Variants in EYS observed in about 807,000 individuals in gnomAD.
The protein encoded by EYS is EGF-like photoreceptor maintenance factor, also known as protein eyes shut homolog.
In EYS, 250 loss-of-function variants were observed where a neutral mutation model predicts 282.1. The observed-to-expected ratio is 0.89, with a 90% CI of 0.80 to 0.98. The LOEUF (loss-of-function observed/expected upper bound fraction) is 0.98. Ranked by LOEUF, EYS falls within the 50% of genes least tolerant of loss-of-function variation. The pLI, the probability that EYS is intolerant of heterozygous loss-of-function variation, is 0.00. For missense variants in EYS, 4,016 were observed against 3,709.0 expected (o/e 1.08, Z -2.15); for synonymous variants, 1,355 against 1,282.9 (o/e 1.06, Z -1.20).
intron 19 of EYS, among the ~76,000 whole-genome samples, chr6:64,864,078 T>C (rs572663781): frequency 6.6e-6 from 1 of 152,274 alleles, no homozygotes; most frequent in South Asian, 2.1e-4. Flanking sequence ...TTGAAAAGCC[T>C]TTAAAATATA....
intron 33 of EYS, among the ~76,000 whole-genome samples, chr6:64,040,194 A>C (rs2149836596): frequency 6.6e-6 from 1 of 152,322 alleles, no homozygotes; most frequent in East Asian, 1.9e-4. Flanking sequence ...GTTTGAAGCT[A>C]CTATATTTAA....
intron 24 of EYS, among the ~76,000 whole-genome samples, chr6:64,610,653 C>G (rs1767085217): frequency 6.6e-6 from 1 of 152,098 alleles, no homozygotes; most frequent in Admixed American, 6.6e-5. Context: ...ATCCACCAGC[C>G]TTGGCTCCCC....
chr6:65,524,268 A>C (rs1767478269), intron 2 of EYS, among the ~76,000 whole-genome samples: 1 of 152,106 alleles, frequency 6.6e-6, no homozygotes, highest in Non-Finnish European at 1.5e-5. Flanking sequence ...GAGGAGTCCA[A>C]AGTGGCCATA....
At chr6:64,075,290 A>G (rs1007692176) in intron 32 of EYS, among the ~76,000 whole-genome samples, 17 of 151,972 alleles carry the variant, frequency 1.1e-4, no homozygotes, top group African/African-American at 4.1e-4. Context: ...GTCAGTGGGA[A>G]GATGGCAGAC....
At chr6:64,580,794 A>G (rs971986190) in intron 26 of EYS, among the ~76,000 whole-genome samples, 5 of 152,152 alleles carry the variant, frequency 3.3e-5, no homozygotes, top group African/African-American at 1.2e-4. Context: ...TTATTTCAAG[A>G]GAGATCATAC....
At chr6:65,331,575 A>G in intron 11 of EYS, 1 of 974,362 alleles carries the variant, frequency 1.0e-6, no homozygotes, top group Non-Finnish European at 1.2e-6. Context: ...GATAAATTAC[A>G]AAAATTTTGT....
Position 65,590,282 on chromosome 6 carries a change from A to T in EYS, c.-333+49496T>A, listed in dbSNP as rs561862144. ...AGATGGTAGAGGCTCCATCAACCTG[A>T]AGCAGAATATCCTGCTGCCTACAAT... On this transcript the variant is annotated intron_variant, in intron 2 of 42. Coordinates refer to ENST00000503581, the MANE Select transcript of EYS (RefSeq NM_001142800.2). Among the ~76,000 whole-genome samples, 5 of 152,188 alleles carry T rather than the reference A, an allele frequency of 3.3e-5. No individual in the cohort carries two copies. In the East Asian group the frequency reaches 9.7e-4, roughly 30 times the overall value.
Position 65,495,625 on chromosome 6 carries a change from C to CAATGTTTTAT in EYS, c.-197-19_-197-18insATAAAACATT. On this transcript the variant is annotated intron_variant, in intron 3 of 42. Transcript: ENST00000503581. ...AAATATTCCTTTAAACAGAAAAAAA[C>CAATGTTTTAT]ATATATTGTTAGTGAAGTTTTCCCT... 1 of 598,766 alleles carries CAATGTTTTAT rather than the reference C, an allele frequency of 1.7e-6. No homozygotes were observed. Among genetic ancestry groups the CAATGTTTTAT allele is most frequent in the Non-Finnish European group, 2.9e-6 (1 of 340,862 alleles). The allele number at this position is 598,766 out of a possible 1,614,324, so 37.1% of individuals were successfully genotyped here.
intron 33 of EYS, among the ~76,000 whole-genome samples, chr6:64,056,627 C>G (rs551929007): frequency 6.6e-5 from 10 of 152,300 alleles, no homozygotes; most frequent in African/African-American, 2.4e-4. Context: ...ATGAGTGACA[C>G]TGCTATTACC....
At chr6:65,479,201 A>T (rs530509265) in intron 5 of EYS, among the ~76,000 whole-genome samples, 3 of 152,304 alleles carry the variant, frequency 2.0e-5, no homozygotes, top group African/African-American at 7.2e-5. Context: ...GAGAATTCTT[A>T]ATCTACCATA....
chr6:63,824,833 G>C (rs1199572013), intron 36 of EYS, among the ~76,000 whole-genome samples: 1 of 152,172 alleles, frequency 6.6e-6, no homozygotes, highest in Non-Finnish European at 1.5e-5. Flanking sequence ...AGGAACGGGG[G>C]CAAAACTCCA....
chr6:64,919,330 C>T (rs1352632076), intron 15 of EYS, among the ~76,000 whole-genome samples: 1 of 151,814 alleles, frequency 6.6e-6, no homozygotes, highest in East Asian at 1.9e-4. Context: ...CCATCGCACC[C>T]GGCTATTTTT....
intron 31 of EYS, among the ~76,000 whole-genome samples, chr6:64,191,998 C>G (rs1396282654): frequency 1.4e-5 from 2 of 144,968 alleles, no homozygotes; most frequent in East Asian, 2.1e-4. Flanking sequence ...CTGTTGTTTC[C>G]TGACTTTTTA....
chr6:64,927,465 T>C (rs1205442392), intron 15 of EYS, among the ~76,000 whole-genome samples: 1 of 152,160 alleles, frequency 6.6e-6, no homozygotes, highest in African/African-American at 2.4e-5. Flanking sequence ...TTCTATAGAC[T>C]GAAACAATTT....
intron 1 of EYS, among the ~76,000 whole-genome samples, chr6:65,698,117 C>A (rs776294309): frequency 6.6e-6 from 1 of 152,006 alleles, no homozygotes; most frequent in South Asian, 2.1e-4. Context: ...ATTTCAAATA[C>A]GGTATCTGGG....
chr6:65,400,603 T>A (rs1160716142), intron 7 of EYS, among the ~76,000 whole-genome samples: 1 of 151,972 alleles, frequency 6.6e-6, no homozygotes, highest in East Asian at 1.9e-4. Context: ...AAAATTAATT[T>A]CTTTCTAACT....
intron 30 of EYS, among the ~76,000 whole-genome samples, chr6:64,298,351 TG>T (rs35493279): frequency 0.69 from 104,153 of 151,682 alleles, 35,782 homozygotes; most frequent in South Asian, 0.71. Flanking sequence ...AATTACTAGT[TG>T]GGGGGGGCAC....
At chr6:65,046,074 G>C (rs1773091546) in intron 13 of EYS, among the ~76,000 whole-genome samples, 1 of 151,748 alleles carries the variant, frequency 6.6e-6, no homozygotes. Flanking sequence ...CAAGAGGTGG[G>C]ATTACATTCC....
rs536558988 is a variant in EYS at position 64,502,164 on chromosome 6, A to G, written c.5645-62812T>C. Among the ~76,000 whole-genome samples the G allele has an allele frequency of 1.8e-4, 28 of 152,316 alleles. 1 individual carries two copies. The South Asian group carries it at 4.8e-3, about 26-fold the overall frequency. On this transcript the variant is annotated intron_variant, in intron 26 of 42. Coordinates refer to ENST00000503581, the MANE Select transcript of EYS (RefSeq NM_001142800.2). ...CCCTTATAGTGAGGGTGGGTATACAAGAAAGAGTGACAAGACTAAAGGTTT... is the reference window on the plus strand; with the variant it reads ...CCCTTATAGTGAGGGTGGGTATACAGGAAAGAGTGACAAGACTAAAGGTTT...
Sources: allele counts gnomAD v4.1 joint callset (sites outside exome capture counted in the v4.1 genomes callset), GRCh38; gene constraint gnomAD v4.1.1; transcripts MANE v1.5; gene names NCBI Gene and HGNC (gene_info 2026-07-23, HGNC 2026-07-21).